The following EPC1 variants were observed in gnomAD, a reference collection of about 807,000 sequenced individuals.
The protein encoded by EPC1 is enhancer of polycomb homolog 1.
Under a neutral mutation model 98.4 loss-of-function variants are expected in EPC1, and 12 were observed. That is an observed-to-expected ratio of 0.12 (90% CI 0.08 to 0.20). The LOEUF is 0.20. Ranked by LOEUF, EPC1 falls within the 10% of genes least tolerant of loss-of-function variation. EPC1 has a pLI of 1.00. For missense variants in EPC1, 729 were observed against 990.5 expected (o/e 0.74, Z 3.54); for synonymous variants, 357 against 363.9 (o/e 0.98, Z 0.21).
intron 1 of EPC1, among the ~76,000 whole-genome samples, chr10:32,354,080 T>C (rs762414733): frequency 1.3e-5 from 2 of 152,098 alleles, no homozygotes; most frequent in Non-Finnish European, 2.9e-5. Context: ...TGCATGGAGG[T>C]CTGTACATAA....
At chr10:32,330,595 T>C (rs962880101) in intron 1 of EPC1, among the ~76,000 whole-genome samples, 1 of 152,188 alleles carries the variant, frequency 6.6e-6, no homozygotes, top group African/African-American at 2.4e-5. Context: ...TATTTCCCAA[T>C]TGATAAGGTA....
chr10:32,308,803 A>T (rs11008872), intron 1 of EPC1, among the ~76,000 whole-genome samples: 3,780 of 152,292 alleles, frequency 0.025, 157 homozygotes, highest in African/African-American at 0.087. Context: ...AAAGAATGAA[A>T]ATCAGTATAT....
chr10:32,336,955 C>T (rs1426646052), intron 1 of EPC1, among the ~76,000 whole-genome samples: 1 of 152,108 alleles, frequency 6.6e-6, no homozygotes, highest in Admixed American at 6.5e-5. Context: ...AATTTGATTA[C>T]CTGGGTTATT....
intron 1 of EPC1, among the ~76,000 whole-genome samples, chr10:32,358,955 A>G (rs987220275): frequency 3.3e-5 from 5 of 152,222 alleles, no homozygotes; most frequent in African/African-American, 1.2e-4. Flanking sequence ...CTTCCTCTTT[A>G]AGATAGGTAG....
At chr10:32,299,949 T>C (rs1835395623) in intron 2 of EPC1, among the ~76,000 whole-genome samples, 1 of 152,186 alleles carries the variant, frequency 6.6e-6, no homozygotes, top group African/African-American at 2.4e-5. Flanking sequence ...AAGCTCGCTC[T>C]GTTGCCCAAG....
chr10:32,302,613 G>GC (rs1478658814), intron 2 of EPC1, among the ~76,000 whole-genome samples: 2 of 132,902 alleles, frequency 1.5e-5, no homozygotes, highest in East Asian at 4.8e-4. Context: ...CTGTACCACT[G>GC]CACTCCAGTC....
chr10:32,285,442 A>G, intron 9 of EPC1: 1 of 188,716 alleles, frequency 5.3e-6, no homozygotes, highest in Non-Finnish European at 1.1e-5. Flanking sequence ...TTTGAGATCC[A>G]CTACTCTAGA....
At chr10:32,333,018 A>G (rs764357070) in intron 1 of EPC1, among the ~76,000 whole-genome samples, 3 of 152,216 alleles carry the variant, frequency 2.0e-5, no homozygotes, top group Non-Finnish European at 2.9e-5. Context: ...CAGGAGGCTT[A>G]GTAACACTGT....
intron 1 of EPC1, among the ~76,000 whole-genome samples, chr10:32,366,001 C>T (rs61844546): frequency 0.17 from 25,065 of 148,876 alleles, 2,211 homozygotes; most frequent in South Asian, 0.24. Flanking sequence ...GGCATGGTGG[C>T]GCGTGCCTGT....
At chr10:32,294,756 T>C (rs906178865) in intron 2 of EPC1, among the ~76,000 whole-genome samples, 3 of 152,186 alleles carry the variant, frequency 2.0e-5, no homozygotes, top group Non-Finnish European at 1.5e-5. Flanking sequence ...TATAAAAATT[T>C]GTCTCACATC....
intron 1 of EPC1, among the ~76,000 whole-genome samples, chr10:32,308,790 C>A (rs1419351126): frequency 6.6e-6 from 1 of 152,030 alleles, no homozygotes; most frequent in Non-Finnish European, 1.5e-5. Context: ...AGGTATATAC[C>A]CGAAAGAATG....
intron 10 of EPC1, chr10:32,281,648 A>G (rs182473284): frequency 5.3e-5 from 8 of 150,202 alleles, no homozygotes; most frequent in Middle Eastern, 3.4e-3. Context: ...AGAATTCTGT[A>G]TAACATTTGA....
upstream of EPC1, among the ~76,000 whole-genome samples, chr10:32,349,535 G>C (rs1473344418): frequency 6.6e-6 from 1 of 152,064 alleles, no homozygotes; most frequent in Non-Finnish European, 1.5e-5. Flanking sequence ...GGTTCCCAAG[G>C]ACTCAAAGGC....
chr10:32,272,324 T>C, intron 11 of EPC1, 157 bp from the exon 12 acceptor site: 1 of 593,634 alleles, frequency 1.7e-6, no homozygotes, highest in Non-Finnish European at 2.9e-6. Context: ...ACAGTAATTA[T>C]ATCTCTTTTG....
upstream of EPC1, among the ~76,000 whole-genome samples, chr10:32,347,891 T>C (rs1462994018): frequency 6.6e-6 from 1 of 152,248 alleles, no homozygotes; most frequent in Non-Finnish European, 1.5e-5. Flanking sequence ...ATGATAGGTA[T>C]CCTATTCTAC....
In EPC1 at chr10:32,359,105, C is replaced by T. The variant is rs116834056; in HGVS notation, c.3+19386G>A. Among the ~76,000 whole-genome samples, 7 of 152,104 alleles carry T rather than the reference C, an allele frequency of 4.6e-5. No homozygotes were observed. In the South Asian group the frequency reaches 1.0e-3, roughly 22 times the overall value. On this transcript the variant is annotated intron_variant, in intron 1 of 13. Coordinates refer to the EPC1 transcript ENST00000375110. ...TAATTATTACCTTTAGCTCTATAAG[C>T]GCACACTTTAGGAAATTTCATTCTA...
intron 1 of EPC1, among the ~76,000 whole-genome samples, chr10:32,365,453 A>G (rs1839571561): frequency 6.6e-6 from 1 of 152,178 alleles, no homozygotes; most frequent in African/African-American, 2.4e-5. Context: ...ACCAACAACA[A>G]CAACAAGAAC....
At chr10:32,355,841 C>T (rs1839259576) in intron 1 of EPC1, among the ~76,000 whole-genome samples, 1 of 152,150 alleles carries the variant, frequency 6.6e-6, no homozygotes, top group African/African-American at 2.4e-5. Flanking sequence ...GAACTCCAGA[C>T]CGCAGGTGAT....
At chr10:32,339,561 T>TAAC (rs1233516824) in intron 1 of EPC1, among the ~76,000 whole-genome samples, 1 of 152,122 alleles carries the variant, frequency 6.6e-6, no homozygotes. Flanking sequence ...ATAATAATAA[T>TAAC]AACAACCTAA....
Sources: gnomAD v4.1 joint callset for allele counts (sites outside exome capture counted in the v4.1 genomes callset) on GRCh38, gnomAD v4.1.1 for gene constraint, MANE v1.5 for transcripts, NCBI Gene and HGNC (gene_info 2026-07-23, HGNC 2026-07-21) for gene names.